The following PDE1C variants were observed in gnomAD, a reference collection of about 807,000 sequenced individuals.
PDE1C encodes dual specificity calcium/calmodulin-dependent 3',5'-cyclic nucleotide phosphodiesterase 1C.
A neutral mutation model predicts 93.1 loss-of-function variants in PDE1C; 62 were observed. The observed-to-expected ratio is 0.67, with a 90% CI of 0.54 to 0.82. PDE1C has a LOEUF of 0.82. PDE1C is among the 40% of genes least tolerant of loss of function. The pLI is 0.00. For synonymous variants in PDE1C, 325 were observed against 310.1 expected (o/e 1.05, Z -0.50); for missense variants, 742 against 884.6 (o/e 0.84, Z 2.04).
intron 1 of PDE1C, among the ~76,000 whole-genome samples, chr7:32,360,834 C>T (rs1425211289): frequency 1.3e-5 from 2 of 152,062 alleles, no homozygotes; most frequent in African/African-American, 2.4e-5. Context: ...GACTTGGGAT[C>T]GGAAAATATG....
intron 1 of PDE1C, among the ~76,000 whole-genome samples, chr7:32,257,224 GA>G (rs980815372): frequency 5.4e-4 from 82 of 151,954 alleles, no homozygotes; most frequent in Admixed American, 1.6e-3. Flanking sequence ...AGAGAAAGGA[GA>G]AAAAAAACAA....
At chr7:31,933,157 A>C (rs994780730) in intron 2 of PDE1C, among the ~76,000 whole-genome samples, 7 of 152,258 alleles carry the variant, frequency 4.6e-5, no homozygotes, top group Admixed American at 3.9e-4. Context: ...GGGTGCAGCA[A>C]GCCACCATGG....
intron 3 of PDE1C, among the ~76,000 whole-genome samples, chr7:32,079,058 T>C (rs981451514): frequency 8.5e-5 from 13 of 152,156 alleles, no homozygotes; most frequent in Non-Finnish European, 1.9e-4. Context: ...AAAACAGGAT[T>C]TTCGAAGGTT....
chr7:32,180,596 C>G (rs1048251584), intron 2 of PDE1C, among the ~76,000 whole-genome samples: 1 of 152,202 alleles, frequency 6.6e-6, no homozygotes, highest in African/African-American at 2.4e-5. Flanking sequence ...TCACCAGACA[C>G]TGAATCTGCC....
chr7:31,762,627 A>G (rs920797134), intron 17 of PDE1C, among the ~76,000 whole-genome samples: 7 of 152,330 alleles, frequency 4.6e-5, no homozygotes, highest in Middle Eastern at 3.4e-3. Context: ...GGTGTGAGCC[A>G]CCAAGCCTGT....
At chr7:31,715,482 G>A in the PDE1C span, among the ~76,000 whole-genome samples, 8 of 152,296 alleles carry the variant, frequency 5.3e-5, no homozygotes, top group South Asian at 1.7e-3. Flanking sequence ...CAAGTGATCT[G>A]CCTGTCTTGG....
chr7:32,161,114 AC>A (rs1801892874), intron 3 of PDE1C, among the ~76,000 whole-genome samples: 1 of 152,156 alleles, frequency 6.6e-6, no homozygotes, highest in Non-Finnish European at 1.5e-5. Context: ...CAAAACTACA[AC>A]CCATTCATTC....
chr7:31,924,400 T>C (rs1221555859), intron 2 of PDE1C, among the ~76,000 whole-genome samples: 2 of 152,192 alleles, frequency 1.3e-5, no homozygotes, highest in African/African-American at 2.4e-5. Context: ...GAGTAGAAGA[T>C]TCCTCTGAGC....
chr7:31,729,242 G>A, the PDE1C span, among the ~76,000 whole-genome samples: 8 of 152,164 alleles, frequency 5.3e-5, no homozygotes, highest in South Asian at 2.1e-4. Context: ...CACTTGGGCC[G>A]TTCTGGGAAA....
chr7:31,800,125 T>C lies in PDE1C; in HGVS notation c.1891+8906A>G, dbSNP rs575415226. 1.6e-4 allele frequency among the ~76,000 whole-genome samples: 25 copies of C among 151,802 alleles called. No homozygotes were observed. The South Asian group carries it at 2.5e-3, about 15-fold the overall frequency. ...TTGTATGTTTTTAATTGGGTCGTTTTCTTATTATTTAATACTGAGTATCTA... is the reference window on the plus strand; with the variant it reads ...TTGTATGTTTTTAATTGGGTCGTTTCCTTATTATTTAATACTGAGTATCTA... On this transcript the variant is annotated intron_variant, in intron 16 of 17. Coordinates refer to ENST00000396191, the MANE Select transcript of PDE1C (RefSeq NM_001191057.4).
Position 32,205,757 on chromosome 7 carries a change from G to A in PDE1C, c.136+3732C>T, listed in dbSNP as rs538449742. On this transcript the variant is annotated intron_variant, in intron 2 of 18. Transcript: ENST00000396193. ...GCAGTTTCACTCCTGAAGCCAGCGA[G>A]ACCATGAAGCAACCCCAAGGAAAAC... Among the ~76,000 whole-genome samples the A allele has an allele frequency of 2.0e-5, 3 of 152,254 alleles. No homozygotes were observed. In the South Asian group the frequency reaches 6.2e-4, roughly 32 times the overall value.
chr7:31,885,442 T>C (rs1380718898), intron 2 of PDE1C, among the ~76,000 whole-genome samples: 1 of 152,216 alleles, frequency 6.6e-6, no homozygotes, highest in African/African-American at 2.4e-5. Flanking sequence ...ATTGCATCTT[T>C]TCATGACTCT....
At chr7:31,971,148 C>A (rs1330759152) in intron 2 of PDE1C, among the ~76,000 whole-genome samples, 1 of 152,006 alleles carries the variant, frequency 6.6e-6, no homozygotes, top group South Asian at 2.1e-4. Flanking sequence ...TGTTTCAATA[C>A]ATAAAAAATA....
At chr7:31,692,539 A>G in the PDE1C span, 15 of 1,575,958 alleles carry the variant, frequency 9.5e-6, no homozygotes, top group Admixed American at 2.5e-4. Context: ...CAAATGATCG[A>G]TTGTGAATGT....
intron 1 of PDE1C, among the ~76,000 whole-genome samples, chr7:32,316,575 G>A (rs1014925304): frequency 6.6e-6 from 1 of 152,158 alleles, no homozygotes; most frequent in Non-Finnish European, 1.5e-5. Flanking sequence ...TCTAAATAAT[G>A]ATCATGAATT....
At chr7:32,072,293 A>C (rs11981824), upstream of PDE1C, among the ~76,000 whole-genome samples, 889 of 152,292 alleles carry the variant, frequency 5.8e-3, 10 homozygotes, top group African/African-American at 0.02. Flanking sequence ...TGCCAGGTAA[A>C]TCTGAAGTCG....
chr7:32,052,238 C>A, intron 1 of PDE1C: 1 of 459,672 alleles, frequency 2.2e-6, no homozygotes, highest in Non-Finnish European at 4.4e-6. Flanking sequence ...CCCCAGGAAG[C>A]AGAAGAGACC....
intron 2 of PDE1C, among the ~76,000 whole-genome samples, chr7:31,967,821 C>G (rs780824587): frequency 6.6e-6 from 1 of 152,086 alleles, no homozygotes; most frequent in African/African-American, 2.4e-5. Context: ...AATCAATAAA[C>G]GTAATCCAGC....
intron 17 of PDE1C, among the ~76,000 whole-genome samples, chr7:31,770,992 T>C (rs1458265901): frequency 6.6e-6 from 1 of 152,244 alleles, no homozygotes; most frequent in Non-Finnish European, 1.5e-5. Context: ...TATGTTTGCT[T>C]CCTTTTTTTA....
Sources: allele counts gnomAD v4.1 joint callset (sites outside exome capture counted in the v4.1 genomes callset), GRCh38; gene constraint gnomAD v4.1.1; transcripts MANE v1.5; gene names NCBI Gene and HGNC (gene_info 2026-07-23, HGNC 2026-07-21).